The following SCFD2 variants were observed in gnomAD, a reference collection of about 807,000 sequenced individuals.
SCFD2 encodes sec1 family domain-containing protein 2.
SCFD2 carries 54 observed loss-of-function variants against 58.9 expected under a neutral mutation model. The ratio of observed to expected loss-of-function variants is 0.92; its 90% CI spans 0.74 to 1.15. The LOEUF (loss-of-function observed/expected upper bound fraction) is 1.15, where lower values mean the gene tolerates loss of function less well. Among genes scored for constraint, SCFD2 ranks in the 50% most tolerant of loss-of-function variants. The pLI is 0.00. For synonymous variants in SCFD2, 321 were observed against 335.9 expected (o/e 0.96, Z 0.49); for missense variants, 805 against 836.6 (o/e 0.96, Z 0.47).
At chr4:53,017,802 T>C (rs1280400138) in intron 5 of SCFD2, among the ~76,000 whole-genome samples, 3 of 152,194 alleles carry the variant, frequency 2.0e-5, no homozygotes, top group South Asian at 2.1e-4. Context: ...CTCCTGGGTA[T>C]TGTTCCTTGA....
Position 53,218,463 on chromosome 4 carries a change from T to C in SCFD2, c.1311+55363A>G, listed in dbSNP as rs542251007. Among the ~76,000 whole-genome samples the C allele has an allele frequency of 3.4e-4, 52 of 152,356 alleles. No homozygotes were observed. The East Asian group carries it at 3.5e-3, about 10-fold the overall frequency. Reference sequence around the variant, plus strand: ...TACTGAAGCTTGTGCATTCGTCACATGGTTCTCATGTCATGGTTTTCAGCT... The same window carrying C: ...TACTGAAGCTTGTGCATTCGTCACACGGTTCTCATGTCATGGTTTTCAGCT... On this transcript the variant is annotated intron_variant, in intron 4 of 8. Coordinates refer to ENST00000401642, the MANE Select transcript of SCFD2 (RefSeq NM_152540.4).
chr4:52,938,377 C>G (rs974991858), intron 5 of SCFD2, among the ~76,000 whole-genome samples: 4 of 152,226 alleles, frequency 2.6e-5, no homozygotes, highest in African/African-American at 9.6e-5. Flanking sequence ...TATGTTTTTA[C>G]TATTGCAGGA....
chr4:52,887,896 CTTTTTTTTTTTTTT>C (rs71195133), intron 7 of SCFD2, among the ~76,000 whole-genome samples: 1 of 81,646 alleles, frequency 1.2e-5, no homozygotes, highest in Non-Finnish European at 2.2e-5. Context: ...ACATCTTATT[CTTTTTTTTTTTTTT>C]TTTTTTTTTT....
At chr4:53,112,011 C>G (rs543928294) in intron 5 of SCFD2, among the ~76,000 whole-genome samples, 2 of 152,170 alleles carry the variant, frequency 1.3e-5, no homozygotes, top group Non-Finnish European at 2.9e-5. Context: ...ACAACAACAA[C>G]AAATGAAGAT....
intron 5 of SCFD2, among the ~76,000 whole-genome samples, chr4:53,106,463 C>A (rs28817423): frequency 0.01 from 1,523 of 152,086 alleles, 30 homozygotes; most frequent in African/African-American, 0.035. Context: ...GCAAGGAAGC[C>A]AAGAACCTTG....
At chr4:53,162,678 G>A (rs1050394334) in intron 4 of SCFD2, among the ~76,000 whole-genome samples, 1 of 150,920 alleles carries the variant, frequency 6.6e-6, no homozygotes, top group African/African-American at 2.4e-5. Context: ...GAAGGGGAAC[G>A]TCACACTCTG....
intron 5 of SCFD2, among the ~76,000 whole-genome samples, chr4:53,078,309 C>T (rs1398957453): frequency 6.6e-6 from 1 of 152,176 alleles, no homozygotes; most frequent in Admixed American, 6.5e-5. Flanking sequence ...TGATTTTAAT[C>T]TCTATTTGTT....
chr4:53,323,660 A>G (rs1733093125), intron 2 of SCFD2, among the ~76,000 whole-genome samples: 1 of 151,472 alleles, frequency 6.6e-6, no homozygotes, highest in African/African-American at 2.4e-5. Flanking sequence ...GATAACAGGC[A>G]TAAGCCAATG....
intron 4 of SCFD2, among the ~76,000 whole-genome samples, chr4:53,268,631 T>C (rs558584790): frequency 6.6e-6 from 1 of 152,078 alleles, no homozygotes; most frequent in Non-Finnish European, 1.5e-5. Context: ...AGTGTGGGCT[T>C]GGTGTGGGGT....
At chr4:53,103,168 T>C (rs1055088648) in intron 5 of SCFD2, among the ~76,000 whole-genome samples, 3 of 152,050 alleles carry the variant, frequency 2.0e-5, no homozygotes, top group African/African-American at 7.2e-5. Context: ...GAGAACATAA[T>C]AAATATAAAT....
chr4:53,289,002 T>C (rs1470257371), intron 3 of SCFD2, among the ~76,000 whole-genome samples: 1 of 152,176 alleles, frequency 6.6e-6, no homozygotes, highest in Non-Finnish European at 1.5e-5. Context: ...AAAATATAAA[T>C]TGTGGGGGAT....
At chr4:52,911,049 A>AC (rs1719473534) in intron 6 of SCFD2, among the ~76,000 whole-genome samples, 1 of 151,878 alleles carries the variant, frequency 6.6e-6, no homozygotes, top group Non-Finnish European at 1.5e-5. Flanking sequence ...CCCTTAACCC[A>AC]TAAAAAAAAA....
At chr4:53,305,022 G>A (rs1420747829) in intron 3 of SCFD2, among the ~76,000 whole-genome samples, 1 of 151,946 alleles carries the variant, frequency 6.6e-6, no homozygotes, top group Non-Finnish European at 1.5e-5. Context: ...AGTCCTTTTT[G>A]TTGATGTTGA....
intron 5 of SCFD2, among the ~76,000 whole-genome samples, chr4:53,007,328 GA>G: frequency 7.4e-6 from 1 of 134,552 alleles, no homozygotes; most frequent in Admixed American, 7.8e-5. Flanking sequence ...GAGAGAGAGA[GA>G]GAGAGGGAGA....
rs1000156580 is a variant in SCFD2, at chr4:53,349,252, G to A, written c.1007+3346C>T. On this transcript the variant is annotated intron_variant, in intron 2 of 8. Transcript: ENST00000401642. ...TCATTTTATAAGATGAAATAATGAG[G>A]TGTAAAAAATGTGTCATGAAGACTT... Among the ~76,000 whole-genome samples the A allele has an allele frequency of 2.0e-5, 3 of 152,182 alleles. No individual in the cohort carries two copies. The East Asian group carries it at 5.8e-4, about 29-fold the overall frequency.
chr4:53,224,093 A>G (rs1729126796), intron 4 of SCFD2, among the ~76,000 whole-genome samples: 1 of 152,132 alleles, frequency 6.6e-6, no homozygotes, highest in Non-Finnish European at 1.5e-5. Flanking sequence ...GCTAGGTGAT[A>G]AAAAGTCTTA....
chr4:53,160,669 G>A (rs1446355151), intron 4 of SCFD2, among the ~76,000 whole-genome samples: 1 of 152,184 alleles, frequency 6.6e-6, no homozygotes, highest in African/African-American at 2.4e-5. Context: ...GAAGGATTCT[G>A]GAGTGAGGAG....
At chr4:53,169,437 T>A (rs140464850) in intron 4 of SCFD2, among the ~76,000 whole-genome samples, 79 of 152,320 alleles carry the variant, frequency 5.2e-4, no homozygotes, top group African/African-American at 1.8e-3. Flanking sequence ...GTTTTCTTTA[T>A]CTGTCCATCT....
intron 5 of SCFD2, among the ~76,000 whole-genome samples, chr4:53,036,647 A>G (rs1722767366): frequency 1.3e-5 from 2 of 152,098 alleles, no homozygotes; most frequent in South Asian, 2.1e-4. Flanking sequence ...GAACAATGAG[A>G]AAATATGGAC....
Sources: allele counts gnomAD v4.1 joint callset (sites outside exome capture counted in the v4.1 genomes callset), GRCh38; gene constraint gnomAD v4.1.1; transcripts MANE v1.5; gene names NCBI Gene and HGNC (gene_info 2026-07-23, HGNC 2026-07-21).